OXCT1: variants seen among roughly 807,000 people sequenced by gnomAD.
The protein encoded by OXCT1 is 3-oxoacid CoA-transferase 1.
In OXCT1, 27 loss-of-function variants were observed where a neutral mutation model predicts 69.6. The observed-to-expected ratio is 0.39, with a 90% CI of 0.29 to 0.54. The LOEUF (loss-of-function observed/expected upper bound fraction) is 0.54. Ranked by LOEUF, OXCT1 falls within the 20% of genes least tolerant of loss-of-function variation. The probability of loss-of-function intolerance (pLI) is 0.72; values close to 1 mark genes in which losing one functional copy is unlikely to be tolerated. For missense variants in OXCT1, 437 were observed against 650.2 expected, an observed-to-expected ratio of 0.67 and a Z score of 3.57; for synonymous variants, 202 against 217.8, an observed-to-expected ratio of 0.93 and a Z score of 0.64.
chr5:41,824,911 G>A (rs904296794), intron 7 of OXCT1, among the ~76,000 whole-genome samples: 6 of 152,060 alleles, frequency 3.9e-5, no homozygotes, highest in South Asian at 2.1e-4. Flanking sequence ...TGTCTGTGTC[G>A]GCAAAGCTTT....
intron 15 of OXCT1, among the ~76,000 whole-genome samples, chr5:41,749,271 A>G (rs1743650706): frequency 6.6e-6 from 1 of 152,124 alleles, no homozygotes; most frequent in Admixed American, 6.6e-5. Flanking sequence ...ATAAAGATCA[A>G]TAAAACTTTT....
intron 13 of OXCT1, among the ~76,000 whole-genome samples, chr5:41,789,886 GT>G (rs1745829811): frequency 6.6e-6 from 1 of 152,198 alleles, no homozygotes; most frequent in South Asian, 2.1e-4. Flanking sequence ...CCCCCTTGTA[GT>G]TTTATAACCA....
chr5:41,823,154 G>A (rs1747642516), intron 7 of OXCT1, among the ~76,000 whole-genome samples: 1 of 152,144 alleles, frequency 6.6e-6, no homozygotes, highest in South Asian at 2.1e-4. Context: ...CACAGGTAGT[G>A]CAAATATCTT....
rs766352197 is a variant in OXCT1 at position 41,842,672 on chromosome 5, T to C, written c.671+3A>G. The C allele has an allele frequency of 1.5e-5, 24 of 1,599,460 alleles. No homozygotes were observed. The highest frequency in any genetic ancestry group is 1.9e-5 in the Non-Finnish European group (22 of 1,166,764). ...ACGAGTGTTTTTAAAACTATCACAA[T>C]ACCTGAAAATCACGTTTCCTGCTCG... On this transcript the variant is annotated splice_donor_region_variant and intron_variant, in intron 6 of 16. Coordinates refer to ENST00000196371, the MANE Select transcript of OXCT1 (RefSeq NM_000436.4).
At chr5:41,746,101 A>G (rs1743473379) in intron 15 of OXCT1, among the ~76,000 whole-genome samples, 1 of 152,196 alleles carries the variant, frequency 6.6e-6, no homozygotes, top group Non-Finnish European at 1.5e-5. Context: ...CAACAAAAAA[A>G]GAGAATTTTA....
At chr5:41,794,267 A>C (rs1746071277) in intron 12 of OXCT1, 189 bp from the exon 13 acceptor site, 3 of 634,086 alleles carry the variant, frequency 4.7e-6, no homozygotes, top group Non-Finnish European at 8.5e-6. Context: ...TTTGAAAAAA[A>C]AGTTACAGTA....
At position 41,730,664 on chromosome 5, in the gene OXCT1, C is replaced by T. The variant is rs1325528405; in HGVS notation, c.*1065G>A. On this transcript the variant is annotated 3_prime_UTR_variant, in exon 17 of 17. Coordinates refer to ENST00000196371, the MANE Select transcript of OXCT1 (RefSeq NM_000436.4). ...ACCTCTAAGGAAGTTTTTTTCAAAC[C>T]TAATCTACCCACCATGTTTATTCCC... 6.6e-6 allele frequency: 1 copy of T among 152,020 alleles called. No homozygotes were observed. The highest frequency in any genetic ancestry group is 1.5e-5 in the Non-Finnish European group (1 of 67,998). 9.4% of individuals were successfully genotyped at this position (152,020 alleles called of 1,614,324 possible).
At chr5:41,757,765 G>A (rs1744154285) in intron 14 of OXCT1, among the ~76,000 whole-genome samples, 1 of 151,982 alleles carries the variant, frequency 6.6e-6, no homozygotes, top group South Asian at 2.1e-4. Flanking sequence ...AAGAGGGAGT[G>A]GGCACTGAAT....
intron 7 of OXCT1, among the ~76,000 whole-genome samples, chr5:41,821,238 C>T (rs1321312493): frequency 6.6e-6 from 1 of 152,192 alleles, no homozygotes; most frequent in African/African-American, 2.4e-5. Flanking sequence ...TACACAGGGA[C>T]ACACATGCAG....
intron 7 of OXCT1, among the ~76,000 whole-genome samples, chr5:41,835,857 C>T (rs2112382135): frequency 6.6e-6 from 1 of 152,208 alleles, no homozygotes; most frequent in East Asian, 1.9e-4. Context: ...ACGTGCATGC[C>T]AGGCTGCTTG....
chr5:41,793,509 C>A (rs190455232), intron 13 of OXCT1, among the ~76,000 whole-genome samples: 1 of 152,288 alleles, frequency 6.6e-6, no homozygotes, highest in East Asian at 1.9e-4. Flanking sequence ...GTGCATTTCA[C>A]AAGGATATTA....
At chr5:41,797,544 T>A (rs1478157569) in intron 11 of OXCT1, among the ~76,000 whole-genome samples, 1 of 152,240 alleles carries the variant, frequency 6.6e-6, no homozygotes, top group Non-Finnish European at 1.5e-5. Context: ...TATTCCTGAT[T>A]GATTTGTCTC....
intron 7 of OXCT1, among the ~76,000 whole-genome samples, chr5:41,814,110 C>T (rs79284181): frequency 5.7e-4 from 86 of 149,888 alleles, no homozygotes; most frequent in African/African-American, 2.0e-3. Flanking sequence ...GTCTTATAAG[C>T]TATTTTAAAT....
intron 10 of OXCT1, among the ~76,000 whole-genome samples, chr5:41,802,860 G>A (rs1481170676): frequency 6.6e-6 from 1 of 151,912 alleles, no homozygotes; most frequent in Non-Finnish European, 1.5e-5. Context: ...AAATAAGCTT[G>A]GGCACTTTAT....
intron 5 of OXCT1, among the ~76,000 whole-genome samples, chr5:41,846,979 T>A (rs1748940817): frequency 6.6e-6 from 1 of 152,158 alleles, no homozygotes; most frequent in Admixed American, 6.5e-5. Context: ...ATGGGGTTGT[T>A]TTTTTCTTGT....
intron 7 of OXCT1, among the ~76,000 whole-genome samples, chr5:41,818,536 G>C (rs770948500): frequency 5.9e-5 from 9 of 152,170 alleles, no homozygotes; most frequent in Non-Finnish European, 8.8e-5. Flanking sequence ...AAATTCACAA[G>C]AGAGTTCACT....
At chr5:41,862,557 T>C in intron 2 of OXCT1, 85 bp downstream of exon 2, 1 of 762,188 alleles carries the variant, frequency 1.3e-6, no homozygotes, top group Non-Finnish European at 2.4e-6. Context: ...TTATCATTTT[T>C]ATACATCTTT....
chr5:41,751,270 C>T (rs1743773587), intron 14 of OXCT1, among the ~76,000 whole-genome samples: 1 of 152,124 alleles, frequency 6.6e-6, no homozygotes, highest in Non-Finnish European at 1.5e-5. Flanking sequence ...CACTGAAGAA[C>T]ATTTTCTGCA....
At chr5:41,802,950 C>CAA in intron 10 of OXCT1, 119 bp downstream of exon 10, 1 of 740,682 alleles carries the variant, frequency 1.4e-6, no homozygotes, top group Non-Finnish European at 2.4e-6. Context: ...TCCATGTAAC[C>CAA]AAAAATCACT....
Sources: allele counts gnomAD v4.1 joint callset (sites outside exome capture counted in the v4.1 genomes callset), GRCh38; gene constraint gnomAD v4.1.1; transcripts MANE v1.5; gene names NCBI Gene and HGNC (gene_info 2026-07-23, HGNC 2026-07-21).